Variants in DDR2 observed in about 807,000 individuals in gnomAD.
DDR2 encodes discoidin domain receptor tyrosine kinase 2.
DDR2 carries 27 observed loss-of-function variants against 94.9 expected under a neutral mutation model. That is an observed-to-expected ratio of 0.28 (90% CI 0.21 to 0.39). The LOEUF is 0.39. Among genes scored for constraint, DDR2 ranks in the 10% least tolerant of loss-of-function variants. The pLI is 1.00. For synonymous variants in DDR2, 382 were observed against 377.2 expected, an observed-to-expected ratio of 1.01 and a Z score of -0.15; for missense variants, 783 against 1,076.0, an observed-to-expected ratio of 0.73 and a Z score of 3.81.
intron 3 of DDR2, among the ~76,000 whole-genome samples, chr1:162,740,966 T>A (rs1558057092): frequency 1.3e-5 from 2 of 151,954 alleles, no homozygotes; most frequent in East Asian, 3.9e-4. Flanking sequence ...AGGCCACTCT[T>A]TTGGTTAAAG....
chr1:162,742,787 C>T (rs974002704), intron 3 of DDR2, among the ~76,000 whole-genome samples: 9 of 152,072 alleles, frequency 5.9e-5, no homozygotes, highest in Admixed American at 3.9e-4. Flanking sequence ...TCCACATAGC[C>T]GGGGAGGCCT....
At chr1:162,714,169 T>G (rs1333248631) in intron 2 of DDR2, among the ~76,000 whole-genome samples, 6 of 152,194 alleles carry the variant, frequency 3.9e-5, no homozygotes, top group Non-Finnish European at 8.8e-5. Flanking sequence ...TTATAGAGAT[T>G]ATTAATACTA....
intron 13 of DDR2, 122 bp from the exon 14 acceptor site, chr1:162,773,347 T>C: frequency 1.5e-6 from 2 of 1,303,710 alleles, no homozygotes; most frequent in Non-Finnish European, 2.2e-6. Context: ...ATCTTCTTAT[T>C]GGTCTTTTGA....
intron 3 of DDR2, among the ~76,000 whole-genome samples, chr1:162,733,306 C>G (rs1662147769): frequency 6.6e-6 from 1 of 152,252 alleles, no homozygotes; most frequent in African/African-American, 2.4e-5. Flanking sequence ...GGCTGAGATC[C>G]CTTCCACAGA....
chr1:162,719,138 T>C lies in DDR2; in HGVS notation c.75T>C (p.Val25=). 6.2e-7 allele frequency: 1 copy of C among 1,613,816 alleles called. No homozygotes were observed. The highest frequency in any genetic ancestry group is 8.5e-7 in the Non-Finnish European group (1 of 1,179,764). ...LPILSSAKAQ[V]NPAICRYPLG... The stretch of plus-strand genomic sequence containing the variant: ...TCTTGAGTTCTGCAAAAGCTCAGGT[T>C]AATCCAGGTAACATGGCTATTACTC... The change falls in exon 3 of 18, where the codon GTT becomes GTC. Residue 25 remains valine (V), a synonymous_variant. Transcript: ENST00000367921.
chr1:162,688,559 C>T (rs897134452), intron 2 of DDR2, among the ~76,000 whole-genome samples: 2 of 152,182 alleles, frequency 1.3e-5, no homozygotes, highest in African/African-American at 4.8e-5. Flanking sequence ...TTCACTGAAC[C>T]TATAAAATAC....
Position 162,767,350 on chromosome 1 carries a change from G to T in DDR2, c.1284G>T (p.Met428Ile). The change falls in exon 11 of 18, where the codon ATG (methionine) becomes ATT (isoleucine). Residue 428 changes from methionine to isoleucine, a missense_variant. Physicochemically the swap from Met to Ile is conservative, Grantham distance 10. This residue lies in a region of DDR2 where 519 missense variants were observed against 647.9 expected (regional missense o/e 0.80). Coordinates refer to ENST00000367921, the MANE Select transcript of DDR2 (RefSeq NM_006182.4). ...TCTGGAGGCAGTTCTGGCAGAAAAT[G>T]CTGGAGAAGGTGAGGAGGTGCAGAA... Reference protein sequence around the residue: ...IILWRQFWQKMLEKASRRMLD... With the variant: ...IILWRQFWQKILEKASRRMLD... 6.2e-7 allele frequency: 1 copy of T among 1,613,960 alleles called. No individual in the cohort carries two copies. The highest frequency in any genetic ancestry group is 8.5e-7 in the Non-Finnish European group (1 of 1,179,998).
chr1:162,721,775 C>G (rs1387485483), intron 3 of DDR2, among the ~76,000 whole-genome samples: 2 of 152,146 alleles, frequency 1.3e-5, no homozygotes, highest in African/African-American at 4.8e-5. Context: ...GAACTTAAGC[C>G]AGGAGACCTG....
At chr1:162,656,571 T>C (rs1558008554) in intron 2 of DDR2, among the ~76,000 whole-genome samples, 1 of 151,942 alleles carries the variant, frequency 6.6e-6, no homozygotes, top group Non-Finnish European at 1.5e-5. Flanking sequence ...CCTCCCTCCC[T>C]TTCTTCCTTC....
chr1:162,763,584 A>G (rs888386135), intron 9 of DDR2, among the ~76,000 whole-genome samples: 14 of 151,982 alleles, frequency 9.2e-5, no homozygotes, highest in Non-Finnish European at 1.8e-4. Context: ...CCGAAAGAAC[A>G]AGGTATTTCA....
intron 2 of DDR2, among the ~76,000 whole-genome samples, chr1:162,716,209 T>C (rs1661161392): frequency 1.3e-5 from 2 of 151,926 alleles, no homozygotes; most frequent in African/African-American, 4.8e-5. Context: ...TGGGGAAGGT[T>C]ATGGAGGGGA....
intron 1 of DDR2, among the ~76,000 whole-genome samples, chr1:162,641,849 A>G (rs1657143114): frequency 6.6e-6 from 1 of 152,224 alleles, no homozygotes; most frequent in African/African-American, 2.4e-5. Context: ...GAAATATACT[A>G]ATGTCTTTGT....
intron 1 of DDR2, among the ~76,000 whole-genome samples, chr1:162,653,344 A>C (rs1281361798): frequency 6.6e-6 from 1 of 152,164 alleles, no homozygotes. Context: ...TGGGAGGCCA[A>C]GGTGAGTGGA....
At chr1:162,721,750 A>G (rs962928195) in intron 3 of DDR2, among the ~76,000 whole-genome samples, 2 of 152,214 alleles carry the variant, frequency 1.3e-5, no homozygotes, top group Non-Finnish European at 1.5e-5. Flanking sequence ...GAATGGCCAC[A>G]TGATATAACA....
chr1:162,642,433 C>T (rs1333736280), intron 1 of DDR2, among the ~76,000 whole-genome samples: 9 of 149,014 alleles, frequency 6.0e-5, no homozygotes, highest in South Asian at 2.1e-4. Flanking sequence ...TCACCATGCC[C>T]GGCTAATTTT....
chr1:162,644,311 AGGAACAT>A (rs1657300400), intron 1 of DDR2, among the ~76,000 whole-genome samples: 1 of 152,224 alleles, frequency 6.6e-6, no homozygotes, highest in Non-Finnish European at 1.5e-5. Flanking sequence ...AGCCCTCCAT[AGGAACAT>A]AAGCCATAAT....
chr1:162,745,339 A>G (rs555382304), intron 3 of DDR2, among the ~76,000 whole-genome samples: 1 of 152,098 alleles, frequency 6.6e-6, no homozygotes, highest in East Asian at 1.9e-4. Context: ...TTGTTGTTCA[A>G]TTGTAGTTCC....
chr1:162,746,111 A>C (rs1226979089), intron 3 of DDR2, among the ~76,000 whole-genome samples: 3 of 152,092 alleles, frequency 2.0e-5, no homozygotes, highest in African/African-American at 7.2e-5. Flanking sequence ...GGTTCATCTC[A>C]CTGGGACTTG....
chr1:162,734,072 T>G (rs916222943), intron 3 of DDR2, among the ~76,000 whole-genome samples: 4 of 152,232 alleles, frequency 2.6e-5, no homozygotes, highest in African/African-American at 7.2e-5. Flanking sequence ...TCTGTCTTGC[T>G]TACTACTGTA....
Sources: allele counts gnomAD v4.1 joint callset (sites outside exome capture counted in the v4.1 genomes callset), GRCh38; gene constraint gnomAD v4.1.1; regional missense constraint gnomAD v4.1.1; transcripts MANE v1.5; gene names NCBI Gene and HGNC (gene_info 2026-07-23, HGNC 2026-07-21).